Variants in CACNA2D3 observed in about 807,000 individuals in gnomAD.
CACNA2D3 encodes the protein calcium voltage-gated channel auxiliary subunit alpha2delta 3.
CACNA2D3 carries 60 observed loss-of-function variants against 160.6 expected under a neutral mutation model. The observed-to-expected ratio is 0.37, with a 90% CI of 0.30 to 0.46. The LOEUF is 0.46. Ranked by LOEUF, CACNA2D3 falls within the 20% of genes least tolerant of loss-of-function variation. The pLI, the probability that CACNA2D3 is intolerant of heterozygous loss-of-function variation, is 1.00. For missense variants in CACNA2D3, 1,205 were observed against 1,365.0 expected, an observed-to-expected ratio of 0.88 and a Z score of 1.85; for synonymous variants, 558 against 492.9, an observed-to-expected ratio of 1.13 and a Z score of -1.75.
At chr3:54,321,589 T>C (rs979408906) in intron 3 of CACNA2D3, among the ~76,000 whole-genome samples, 3 of 152,122 alleles carry the variant, frequency 2.0e-5, no homozygotes, top group Non-Finnish European at 2.9e-5. Context: ...TTGTAACACC[T>C]CCGTGGTGGA....
intron 9 of CACNA2D3, among the ~76,000 whole-genome samples, chr3:54,624,366 T>TA (rs1264842854): frequency 6.6e-6 from 1 of 152,218 alleles, no homozygotes; most frequent in African/African-American, 2.4e-5. Context: ...CTCATGCCTG[T>TA]AATCCCAGCA....
At chr3:55,019,418 T>C (rs546604212) in intron 35 of CACNA2D3, among the ~76,000 whole-genome samples, 1 of 152,224 alleles carries the variant, frequency 6.6e-6, no homozygotes, top group Admixed American at 6.5e-5. Flanking sequence ...TACTATTTTT[T>C]ATAATAAACT....
intron 11 of CACNA2D3, among the ~76,000 whole-genome samples, chr3:54,660,009 C>A (rs187169951): frequency 1.5e-4 from 23 of 152,230 alleles, no homozygotes; most frequent in Admixed American, 3.9e-4. Flanking sequence ...TAATGACTTA[C>A]CCTTTGAAGT....
intron 3 of CACNA2D3, among the ~76,000 whole-genome samples, chr3:54,358,392 C>G (rs889078080): frequency 6.6e-6 from 1 of 152,268 alleles, no homozygotes; most frequent in African/African-American, 2.4e-5. Context: ...CTCCTCCCCT[C>G]TGACTGCAAG....
intron 11 of CACNA2D3, among the ~76,000 whole-genome samples, chr3:54,743,987 C>G (rs1030872170): frequency 1.3e-5 from 2 of 152,180 alleles, no homozygotes; most frequent in East Asian, 3.9e-4. Flanking sequence ...CTGTCTGTCC[C>G]TTCCATCCCT....
intron 2 of CACNA2D3, among the ~76,000 whole-genome samples, chr3:54,213,096 A>G (rs979352064): frequency 6.6e-6 from 1 of 152,194 alleles, no homozygotes; most frequent in African/African-American, 2.4e-5. Context: ...CCAATAAACC[A>G]GATGACCCCC....
Position 54,885,294 on chromosome 3 carries a change from A to G in CACNA2D3, c.1926A>G (p.Leu642=). 6.2e-7 allele frequency: 1 copy of G among 1,613,928 alleles called. No individual in the cohort carries two copies. Among genetic ancestry groups the G allele is most frequent in the Non-Finnish European group, 8.5e-7 (1 of 1,179,842 alleles). ...CTTGACCCCCAGGCCTGCATGACTTAGAACATCCCGATGTGTCCTTGGCAG... is the reference window on the plus strand; with the variant it reads ...CTTGACCCCCAGGCCTGCATGACTTGGAACATCCCGATGTGTCCTTGGCAG... ...NVTIEEGLHD[L]EHPDVSLADE... The change falls in exon 22 of 38, where the codon TTA becomes TTG. Residue 642 remains leucine, a synonymous_variant. Transcript: ENST00000474759.
At chr3:55,033,828 T>TTATATAATATGTATTTATTA in intron 35 of CACNA2D3, among the ~76,000 whole-genome samples, 1 of 57,006 alleles carries the variant, frequency 1.8e-5, no homozygotes, top group East Asian at 4.3e-4. Context: ...TAAATATATT[T>TTATATAATATGTATTTATTA]AATATATAAT....
At chr3:54,382,463 G>T (rs1198382205) in intron 3 of CACNA2D3, among the ~76,000 whole-genome samples, 2 of 152,158 alleles carry the variant, frequency 1.3e-5, no homozygotes, top group Non-Finnish European at 2.9e-5. Context: ...GTTAGATGAT[G>T]AATCAGTGTA....
chr3:54,796,920 G>A (rs886326193), intron 13 of CACNA2D3, among the ~76,000 whole-genome samples: 1 of 152,220 alleles, frequency 6.6e-6, no homozygotes, highest in African/African-American at 2.4e-5. Flanking sequence ...TTCATCAGCT[G>A]TATCAGCTGT....
chr3:54,291,867 G>T (rs965712322), intron 2 of CACNA2D3, among the ~76,000 whole-genome samples: 1 of 152,148 alleles, frequency 6.6e-6, no homozygotes, highest in African/African-American at 2.4e-5. Context: ...GTTACGTGCT[G>T]AACACTGTGC....
chr3:54,422,707 T>C (rs557696192), intron 4 of CACNA2D3, among the ~76,000 whole-genome samples: 9 of 152,166 alleles, frequency 5.9e-5, no homozygotes, highest in Non-Finnish European at 1.3e-4. Flanking sequence ...GGTAAGGGCC[T>C]GGGGAAATGA....
chr3:54,170,680 C>A (rs1253769558), intron 2 of CACNA2D3, among the ~76,000 whole-genome samples: 2 of 152,128 alleles, frequency 1.3e-5, no homozygotes, highest in Admixed American at 6.5e-5. Context: ...CAGCCAAGGG[C>A]AGATCAGTGA....
chr3:54,330,749 T>C (rs1704230477), intron 3 of CACNA2D3, among the ~76,000 whole-genome samples: 1 of 152,158 alleles, frequency 6.6e-6, no homozygotes, highest in Admixed American at 6.5e-5. Context: ...GTGGGTGGCC[T>C]CTGTTAGGAT....
intron 11 of CACNA2D3, among the ~76,000 whole-genome samples, chr3:54,737,706 C>T (rs1049213336): frequency 1.3e-5 from 2 of 152,084 alleles, no homozygotes; most frequent in Non-Finnish European, 2.9e-5. Flanking sequence ...ACTCTGTCGC[C>T]CAGGGTGGAG....
chr3:54,375,792 C>T (rs922737273), intron 3 of CACNA2D3, among the ~76,000 whole-genome samples: 2 of 152,022 alleles, frequency 1.3e-5, no homozygotes, highest in African/African-American at 4.8e-5. Context: ...CACTGAGTGC[C>T]AACTGGACAC....
chr3:54,282,657 T>G (rs778174047), intron 2 of CACNA2D3, among the ~76,000 whole-genome samples: 4 of 152,254 alleles, frequency 2.6e-5, no homozygotes, highest in Non-Finnish European at 4.4e-5. Context: ...TGTGCTGGGC[T>G]CTGGGTATGC....
chr3:54,891,324 C>G, intron 24 of CACNA2D3, 31 bp from the exon 25 acceptor site: 1 of 1,488,876 alleles, frequency 6.7e-7, no homozygotes. Flanking sequence ...TGTCTAGAGG[C>G]CTCCCCCTGA....
At chr3:54,276,432 G>T (rs1459461354) in intron 2 of CACNA2D3, among the ~76,000 whole-genome samples, 1 of 152,056 alleles carries the variant, frequency 6.6e-6, no homozygotes, top group Non-Finnish European at 1.5e-5. Context: ...AATTAGCCAG[G>T]CGTGGTGGCA....
Sources: allele counts gnomAD v4.1 joint callset (sites outside exome capture counted in the v4.1 genomes callset), GRCh38; gene constraint gnomAD v4.1.1; transcripts MANE v1.5; gene names NCBI Gene and HGNC (gene_info 2026-07-23, HGNC 2026-07-21).